Variants in SSBP3 observed in about 807,000 individuals in gnomAD.
SSBP3 encodes the protein single stranded DNA binding protein 3, also known as single-stranded DNA-binding protein 3.
Under a neutral mutation model 69.6 loss-of-function variants are expected in SSBP3, and 5 were observed. That is an observed-to-expected ratio of 0.07 (90% CI 0.04 to 0.15). SSBP3 has a LOEUF of 0.15. SSBP3 is among the 10% of genes least tolerant of loss of function. SSBP3 has a pLI of 1.00. For synonymous variants in SSBP3, 196 were observed against 193.4 expected, an observed-to-expected ratio of 1.01 and a Z score of -0.11; for missense variants, 312 against 534.0, an observed-to-expected ratio of 0.58 and a Z score of 4.10.
intron 4 of SSBP3, among the ~76,000 whole-genome samples, chr1:54,285,197 C>CA (rs1053978776): frequency 2.6e-5 from 4 of 151,988 alleles, no homozygotes; most frequent in Admixed American, 6.6e-5. Flanking sequence ...GTGCTCATAA[C>CA]AAAAAACTTT....
At chr1:54,403,951 C>A (rs1370804709) in intron 3 of SSBP3, among the ~76,000 whole-genome samples, 1 of 147,872 alleles carries the variant, frequency 6.8e-6, no homozygotes, top group Non-Finnish European at 1.5e-5. Flanking sequence ...CCCCTAACTG[C>A]AGACACTGCG....
intron 4 of SSBP3, among the ~76,000 whole-genome samples, chr1:54,378,974 A>G (rs948300251): frequency 2.0e-5 from 3 of 151,716 alleles, no homozygotes; most frequent in African/African-American, 7.3e-5. Context: ...CACCCTCCCC[A>G]CCCAGGCCAG....
chr1:54,261,510 C>G (rs1157509500), intron 5 of SSBP3, among the ~76,000 whole-genome samples: 1 of 152,142 alleles, frequency 6.6e-6, no homozygotes, highest in African/African-American at 2.4e-5. Flanking sequence ...CTGAACAGAC[C>G]CAGCAGGCAG....
intron 13 of SSBP3, among the ~76,000 whole-genome samples, chr1:54,240,107 TGCGCGCGCGCGC>T (rs771724967): frequency 1.5e-5 from 2 of 134,574 alleles, no homozygotes; most frequent in Admixed American, 1.4e-4. Flanking sequence ...CGCGTGTGCG[TGCGCGCGCGCGC>T]GCAACACATG....
intron 4 of SSBP3, among the ~76,000 whole-genome samples, chr1:54,381,735 A>G (rs1429754393): frequency 3.3e-5 from 5 of 152,240 alleles, no homozygotes; most frequent in Admixed American, 1.3e-4. Flanking sequence ...AGTCCAAGCA[A>G]CAAGTCCAAA....
chr1:54,332,386 G>A (rs1646432782), intron 4 of SSBP3, among the ~76,000 whole-genome samples: 1 of 152,200 alleles, frequency 6.6e-6, no homozygotes, highest in Admixed American at 6.5e-5. Context: ...GGAGTGTGGA[G>A]AGGATGATGT....
At chr1:54,242,201 G>T (rs777998270) in exon 11 of SSBP3, 10 of 1,613,830 alleles carry the variant, frequency 6.2e-6, no homozygotes, top group Non-Finnish European at 8.5e-6. Flanking sequence ...GGGTCTGCCA[G>T]CTCCCGGGCC....
intron 4 of SSBP3, among the ~76,000 whole-genome samples, chr1:54,375,971 AG>A (rs1426428900): frequency 6.6e-6 from 1 of 150,764 alleles, no homozygotes; most frequent in South Asian, 2.1e-4. Flanking sequence ...GAGGAAGGAG[AG>A]GGATAAGTAG....
chr1:54,367,542 A>C (rs921221081), intron 4 of SSBP3, among the ~76,000 whole-genome samples: 1 of 152,222 alleles, frequency 6.6e-6, no homozygotes, highest in African/African-American at 2.4e-5. Flanking sequence ...TGGAAGAATG[A>C]GTGGAGAAAG....
chr1:54,309,504 C>T (rs1178237327), intron 4 of SSBP3, among the ~76,000 whole-genome samples: 2 of 152,154 alleles, frequency 1.3e-5, no homozygotes, highest in Non-Finnish European at 2.9e-5. Context: ...GGAAACATTC[C>T]CCTTAGGATT....
chr1:54,404,525 C>T (rs1380101452), intron 3 of SSBP3, 51 bp downstream of exon 3: 1 of 1,604,798 alleles, frequency 6.2e-7, no homozygotes, highest in Admixed American at 1.7e-5. Context: ...CACTTGGACC[C>T]AGGGCTCACA....
At chr1:54,263,525 T>A (rs1330895226) in intron 5 of SSBP3, among the ~76,000 whole-genome samples, 1 of 152,190 alleles carries the variant, frequency 6.6e-6, no homozygotes, top group East Asian at 1.9e-4. Flanking sequence ...GGGTCCCCAG[T>A]CCTGGTCCCC....
intron 9 of SSBP3, among the ~76,000 whole-genome samples, chr1:54,250,602 T>A (rs1644811274): frequency 6.6e-6 from 1 of 152,124 alleles, no homozygotes; most frequent in Non-Finnish European, 1.5e-5. Flanking sequence ...GCCCAGAGCC[T>A]GAACACCTGC....
intron 5 of SSBP3, among the ~76,000 whole-genome samples, chr1:54,279,503 G>T (rs1014991219): frequency 1.3e-5 from 2 of 152,222 alleles, no homozygotes; most frequent in African/African-American, 4.8e-5. Context: ...ACTAGGTATT[G>T]TCTACCTCTT....
intron 5 of SSBP3, among the ~76,000 whole-genome samples, chr1:54,270,921 G>A (rs964729419): frequency 3.3e-5 from 5 of 152,182 alleles, no homozygotes; most frequent in African/African-American, 7.2e-5. Context: ...GAGGCCACCA[G>A]GAAGCATGGA....
At chr1:54,237,832 A>AG (rs1450618958) in intron 14 of SSBP3, 2 of 301,078 alleles carry the variant, frequency 6.6e-6, no homozygotes, top group African/African-American at 4.3e-5. Context: ...GCATGACTGC[A>AG]GCGTGCGGAG....
intron 5 of SSBP3, among the ~76,000 whole-genome samples, chr1:54,269,498 A>G (rs1030100065): frequency 2.6e-5 from 4 of 152,224 alleles, no homozygotes; most frequent in African/African-American, 9.6e-5. Context: ...GACCTTTTCT[A>G]CAGCTCCAGA....
intron 5 of SSBP3, among the ~76,000 whole-genome samples, chr1:54,272,844 A>G (rs552598087): frequency 1.3e-5 from 2 of 152,310 alleles, no homozygotes; most frequent in South Asian, 4.1e-4. Context: ...AGCTACTGAC[A>G]CCCATCCTTC....
chr1:54,307,908 G>C (rs6698260), intron 4 of SSBP3, among the ~76,000 whole-genome samples: 1 of 150,594 alleles, frequency 6.6e-6, no homozygotes, highest in African/African-American at 2.5e-5. Flanking sequence ...AGCAGCCCTC[G>C]GGGCTGCTCT....
Sources: gnomAD v4.1 joint callset for allele counts (sites outside exome capture counted in the v4.1 genomes callset) on GRCh38, gnomAD v4.1.1 for gene constraint, MANE v1.5 for transcripts, NCBI Gene and HGNC (gene_info 2026-07-23, HGNC 2026-07-21) for gene names.